The following AGBL1 variants were observed in gnomAD, a reference collection of about 807,000 sequenced individuals.
AGBL1 encodes the protein AGBL carboxypeptidase 1.
A neutral mutation model predicts 118.9 loss-of-function variants in AGBL1; 130 were observed. That is an observed-to-expected ratio of 1.09 (90% CI 0.95 to 1.26). The LOEUF is 1.26. AGBL1 is among the 50% of genes most tolerant of loss of function. AGBL1 has a pLI of 0.00. For missense variants in AGBL1, 1,584 were observed against 1,298.1 expected, an observed-to-expected ratio of 1.22 and a Z score of -3.38; for synonymous variants, 555 against 478.9, an observed-to-expected ratio of 1.16 and a Z score of -2.08.
intron 21 of AGBL1, among the ~76,000 whole-genome samples, chr15:86,616,374 G>GAAAA (rs2084725990): frequency 7.0e-6 from 1 of 142,396 alleles, no homozygotes; most frequent in African/African-American, 2.8e-5. Flanking sequence ...AAAAAAAAAT[G>GAAAA]AAGATGGAAA....
intron 17 of AGBL1, among the ~76,000 whole-genome samples, chr15:86,313,655 A>C (rs1052928366): frequency 6.6e-6 from 1 of 152,248 alleles, no homozygotes; most frequent in African/African-American, 2.4e-5. Context: ...ACTGTTGTTC[A>C]GACCCCAATA....
chr15:87,007,366 A>G (rs1179671406), intron 24 of AGBL1, among the ~76,000 whole-genome samples: 1 of 152,230 alleles, frequency 6.6e-6, no homozygotes, highest in Non-Finnish European at 1.5e-5. Context: ...ATAGAAAAAT[A>G]CATTGCTTTT....
chr15:86,144,166 A>T (rs1489018646), intron 3 of AGBL1, among the ~76,000 whole-genome samples: 1 of 152,214 alleles, frequency 6.6e-6, no homozygotes, highest in Middle Eastern at 3.2e-3. Context: ...AACATGTCTA[A>T]AAGTTGCATC....
intron 22 of AGBL1, among the ~76,000 whole-genome samples, chr15:86,820,211 C>T (rs932252099): frequency 6.6e-6 from 1 of 152,116 alleles, no homozygotes; most frequent in African/African-American, 2.4e-5. Flanking sequence ...CTAGGTAATA[C>T]CATTCAGGAC....
intron 18 of AGBL1, among the ~76,000 whole-genome samples, chr15:86,428,401 G>T (rs4513061): frequency 1.3e-5 from 2 of 151,990 alleles, no homozygotes; most frequent in African/African-American, 4.8e-5. Flanking sequence ...AGGGAAGGCA[G>T]ATACACATCT....
At chr15:86,344,538 C>T (rs1463500131) in intron 17 of AGBL1, among the ~76,000 whole-genome samples, 2 of 151,860 alleles carry the variant, frequency 1.3e-5, no homozygotes, top group African/African-American at 2.4e-5. Flanking sequence ...GAGGAGGCAG[C>T]ATAGTCCAGG....
chr15:86,646,923 GAATT>G (rs1454559005), intron 21 of AGBL1, among the ~76,000 whole-genome samples: 5 of 152,080 alleles, frequency 3.3e-5, no homozygotes, highest in African/African-American at 1.2e-4. Flanking sequence ...AGGAAAAGTT[GAATT>G]AATTTTTTTC....
intron 1 of AGBL1, among the ~76,000 whole-genome samples, chr15:86,130,468 G>T (rs903339010): frequency 6.6e-6 from 1 of 152,138 alleles, no homozygotes; most frequent in Non-Finnish European, 1.5e-5. Context: ...AGGAAAGCAA[G>T]TGGGGTCCAG....
intron 1 of AGBL1, among the ~76,000 whole-genome samples, chr15:86,135,561 C>G (rs899498879): frequency 6.6e-6 from 1 of 152,164 alleles, no homozygotes. Context: ...AACAGAATGA[C>G]AAGGCTCTGT....
chr15:86,727,283 A>C (rs78919213), intron 22 of AGBL1, among the ~76,000 whole-genome samples: 7,195 of 152,086 alleles, frequency 0.047, 311 homozygotes, highest in East Asian at 0.13. Context: ...ACTTAGGGAG[A>C]CTCTCTTGGC....
At chr15:87,017,349 G>A (rs993497056) in intron 24 of AGBL1, among the ~76,000 whole-genome samples, 1 of 152,134 alleles carries the variant, frequency 6.6e-6, no homozygotes. Context: ...TCTCAACAGA[G>A]GTCTCCAGCT....
At chr15:86,159,275 T>C (rs1349097090) in intron 5 of AGBL1, among the ~76,000 whole-genome samples, 4 of 152,152 alleles carry the variant, frequency 2.6e-5, no homozygotes, top group Non-Finnish European at 5.9e-5. Flanking sequence ...AGTTAAAATA[T>C]GTCGAGAGCC....
intron 5 of AGBL1, among the ~76,000 whole-genome samples, chr15:86,208,610 G>C (rs950523804): frequency 6.6e-6 from 1 of 152,116 alleles, no homozygotes; most frequent in Non-Finnish European, 1.5e-5. Context: ...TTTGTGTAGA[G>C]GTGTTTATAG....
At chr15:86,420,056 T>A (rs192772286) in intron 18 of AGBL1, among the ~76,000 whole-genome samples, 25 of 152,280 alleles carry the variant, frequency 1.6e-4, no homozygotes, top group African/African-American at 5.3e-4. Flanking sequence ...ACTTAAAACA[T>A]TCCTGCCTGC....
intron 22 of AGBL1, among the ~76,000 whole-genome samples, chr15:86,840,186 A>G (rs2079225118): frequency 6.6e-6 from 1 of 152,336 alleles, no homozygotes; most frequent in African/African-American, 2.4e-5. Context: ...GTTTGTCAAC[A>G]TAGGGTACAG....
intron 22 of AGBL1, among the ~76,000 whole-genome samples, chr15:86,770,834 A>G (rs2078167598): frequency 6.6e-6 from 1 of 151,958 alleles, no homozygotes; most frequent in Admixed American, 6.6e-5. Flanking sequence ...AATAATAACA[A>G]CCTACCTTGT....
chr15:86,385,374 C>T (rs2081168873), intron 17 of AGBL1, among the ~76,000 whole-genome samples: 1 of 152,138 alleles, frequency 6.6e-6, no homozygotes, highest in Non-Finnish European at 1.5e-5. Flanking sequence ...AGTCTGATTC[C>T]TTAATTTTGG....
chr15:86,882,939 A>G (rs2079916626), intron 22 of AGBL1, among the ~76,000 whole-genome samples: 1 of 152,240 alleles, frequency 6.6e-6, no homozygotes, highest in Non-Finnish European at 1.5e-5. Context: ...GAGAAATTTC[A>G]AACAGATTTT....
intron 18 of AGBL1, among the ~76,000 whole-genome samples, chr15:86,452,231 C>T (rs577904746): frequency 1.5e-4 from 23 of 152,292 alleles, no homozygotes; most frequent in Non-Finnish European, 2.9e-4. Flanking sequence ...TCACAGGTCT[C>T]CAGGCAGGCC....
Sources: gnomAD v4.1 joint callset for allele counts (sites outside exome capture counted in the v4.1 genomes callset) on GRCh38, gnomAD v4.1.1 for gene constraint, MANE v1.5 for transcripts, NCBI Gene and HGNC (gene_info 2026-07-23, HGNC 2026-07-21) for gene names.